Variants in RBFOX3 observed in about 807,000 individuals in gnomAD.
RBFOX3 encodes the protein RNA binding fox-1 homolog 3.
A neutral mutation model predicts 48.7 loss-of-function variants in RBFOX3; 17 were observed. The ratio of observed to expected loss-of-function variants is 0.35; its 90% CI spans 0.24 to 0.52. The LOEUF (loss-of-function observed/expected upper bound fraction) is 0.52. Ranked by LOEUF, RBFOX3 falls within the 20% of genes least tolerant of loss-of-function variation. The pLI is 0.94. For missense variants in RBFOX3, 382 were observed against 497.5 expected, an observed-to-expected ratio of 0.77 and a Z score of 2.21; for synonymous variants, 212 against 209.5, an observed-to-expected ratio of 1.01 and a Z score of -0.10.
intron 4 of RBFOX3, among the ~76,000 whole-genome samples, chr17:79,160,086 G>A (rs1288283891): frequency 1.3e-5 from 2 of 152,382 alleles, no homozygotes; most frequent in East Asian, 1.9e-4. Flanking sequence ...CTCCGCTCGA[G>A]TAGTAAGTGA....
rs115935804 is a variant in RBFOX3, at chr17:79,220,086, G to T, written c.-34+15680C>A. ...GGCATGGCCTGGGAAGGCACGGGGTGGGGGGGTGGGGGGAGCACGCTGAGC... is the reference window on the plus strand; with the variant it reads ...GGCATGGCCTGGGAAGGCACGGGGTTGGGGGGTGGGGGGAGCACGCTGAGC... On this transcript the variant is annotated intron_variant, in intron 4 of 14. Transcript: ENST00000693108. The surrounding 1 kb of genome is among the most constrained non-coding windows in gnomAD (Gnocchi z 5.9). 6.6e-5 allele frequency among the ~76,000 whole-genome samples: 10 copies of T among 151,784 alleles called. No homozygotes were observed. Among genetic ancestry groups the T allele is most frequent in the Non-Finnish European group, 1.0e-4 (7 of 67,926 alleles).
intron 2 of RBFOX3, among the ~76,000 whole-genome samples, chr17:79,438,123 C>CGT (rs2069978521): frequency 6.6e-6 from 1 of 151,506 alleles, no homozygotes; most frequent in African/African-American, 2.4e-5. Context: ...CACACACACA[C>CGT]GTCACCACCA....
At chr17:79,218,230 C>T (rs1483866594) in intron 4 of RBFOX3, among the ~76,000 whole-genome samples, 3 of 150,662 alleles carry the variant, frequency 2.0e-5, no homozygotes, top group Non-Finnish European at 4.4e-5. Context: ...TGGTGGGGTT[C>T]GGACTTGGGG....
intron 2 of RBFOX3, among the ~76,000 whole-genome samples, chr17:79,371,668 G>A (rs1278777055): frequency 6.6e-6 from 1 of 152,152 alleles, no homozygotes; most frequent in Non-Finnish European, 1.5e-5. Context: ...GTCATCTCCA[G>A]GACACCCCCA....
intron 3 of RBFOX3, among the ~76,000 whole-genome samples, chr17:79,291,296 A>C (rs2073212957): frequency 6.6e-6 from 1 of 152,212 alleles, no homozygotes; most frequent in Admixed American, 6.5e-5. Flanking sequence ...GGGTGTGGGG[A>C]AAAGAGCGAG....
Position 79,111,452 on chromosome 17 carries a change from T to G in RBFOX3, c.222+4042A>C, listed in dbSNP as rs2031461151. Among the ~76,000 whole-genome samples, 1 of 152,182 alleles carries G rather than the reference T, an allele frequency of 6.6e-6. No homozygotes were observed. Among genetic ancestry groups the G allele is most frequent in the African/African-American group, 2.4e-5 (1 of 41,440 alleles). On this transcript the variant is annotated intron_variant, in intron 5 of 14. Transcript: ENST00000693108. The surrounding 1 kb of genome is among the most constrained non-coding windows in gnomAD (Gnocchi z 4.2). ...TATCTGCGTGCTAATCTCTCTCTCT[T>G]TTTCTCAGAGTTTTGCTCTGTCGCC...
chr17:79,193,869 G>A (rs2055006406), intron 4 of RBFOX3, among the ~76,000 whole-genome samples: 2 of 152,172 alleles, frequency 1.3e-5, no homozygotes, highest in Admixed American at 1.3e-4. Flanking sequence ...CTGGCCCACA[G>A]GAAGGTGGCT....
the RBFOX3 span, among the ~76,000 whole-genome samples, chr17:79,634,543 T>G: frequency 0.16 from 24,609 of 151,882 alleles, 4,431 homozygotes; most frequent in African/African-American, 0.44. Context: ...GCAAATGGGG[T>G]TCTATAGAGC....
chr17:79,187,233 A>G (rs748491682), intron 4 of RBFOX3, among the ~76,000 whole-genome samples: 36 of 152,286 alleles, frequency 2.4e-4, no homozygotes, highest in Non-Finnish European at 5.0e-4. Flanking sequence ...GGCAAATCAT[A>G]GTAGAAAGGA....
In RBFOX3 at chr17:79,459,998, C is replaced by T. The variant is rs75289063; in HGVS notation, c.-175+22456G>A. Among the ~76,000 whole-genome samples, 29 of 152,230 alleles carry T rather than the reference C, an allele frequency of 1.9e-4. No individual in the cohort carries two copies. The East Asian group carries it at 5.4e-3, about 28-fold the overall frequency. On this transcript the variant is annotated intron_variant, in intron 2 of 14. Coordinates refer to ENST00000693108, the MANE Select transcript of RBFOX3 (RefSeq NM_001350451.2). ...AGGAATGAGGCATGGACAGGTGCTG[C>T]AATGTGCTGCAGAAGGGCAGGTTTC... is the stretch of plus-strand genomic sequence containing the variant.
chr17:79,602,054 C>G (rs1349796781), intron 1 of RBFOX3: 1 of 152,242 alleles, frequency 6.6e-6, no homozygotes, highest in Non-Finnish European at 1.5e-5. Context: ...GTGTATCCTT[C>G]TCAGCTGTCC....
intron 2 of RBFOX3, among the ~76,000 whole-genome samples, chr17:79,452,258 C>T (rs1321072570): frequency 2.0e-5 from 3 of 152,134 alleles, no homozygotes; most frequent in Non-Finnish European, 4.4e-5. Context: ...GAGAGTAAGA[C>T]TGGGAGCTCA....
intron 4 of RBFOX3, among the ~76,000 whole-genome samples, chr17:79,230,322 C>A (rs9905542): frequency 6.6e-6 from 1 of 152,010 alleles, no homozygotes; most frequent in Non-Finnish European, 1.5e-5. Context: ...TGCAGTGGTA[C>A]GATCTTGGCT....
chr17:79,486,069 C>T (rs1472549916), intron 1 of RBFOX3, among the ~76,000 whole-genome samples: 3 of 152,370 alleles, frequency 2.0e-5, no homozygotes, highest in South Asian at 2.1e-4. Context: ...GACCTCAGGG[C>T]TCGCCCCAGG....
At chr17:79,414,928 C>G (rs75556906) in intron 2 of RBFOX3, among the ~76,000 whole-genome samples, 7,349 of 152,318 alleles carry the variant, frequency 0.048, 233 homozygotes, top group South Asian at 0.088. Flanking sequence ...GAGGGGCCGT[C>G]GCAGTCCAGC....
At chr17:79,553,474 C>T (rs1051121211) in intron 1 of RBFOX3, among the ~76,000 whole-genome samples, 93 of 152,154 alleles carry the variant, frequency 6.1e-4, no homozygotes, top group Non-Finnish European at 1.1e-3. Context: ...TTTATTCTCA[C>T]TTTAGGAAAA....
intron 1 of RBFOX3, among the ~76,000 whole-genome samples, chr17:79,503,266 G>A (rs930928468): frequency 3.0e-4 from 46 of 152,060 alleles, no homozygotes; most frequent in Non-Finnish European, 5.7e-4. Flanking sequence ...TGCATGGGGC[G>A]CCCAATTCAG....
chr17:79,113,057 A>G (rs572097370), intron 5 of RBFOX3, among the ~76,000 whole-genome samples: 14 of 152,094 alleles, frequency 9.2e-5, no homozygotes, highest in African/African-American at 3.4e-4. Context: ...AACTCATCCC[A>G]CTTCCTATCC....
intron 4 of RBFOX3, among the ~76,000 whole-genome samples, chr17:79,149,667 G>A (rs1230553199): frequency 6.6e-6 from 1 of 151,818 alleles, no homozygotes; most frequent in Non-Finnish European, 1.5e-5. Context: ...GGGTGGCCTA[G>A]GGGCTCATGC....
Sources: gnomAD v4.1 joint callset for allele counts (sites outside exome capture counted in the v4.1 genomes callset) on GRCh38, gnomAD v4.1.1 for gene constraint, Gnocchi (gnomAD v3.1) non-coding constraint, MANE v1.5 for transcripts, NCBI Gene and HGNC (gene_info 2026-07-23, HGNC 2026-07-21) for gene names.